GRIK1: variants seen among roughly 807,000 people sequenced by gnomAD.
GRIK1 encodes the protein glutamate ionotropic receptor kainate type subunit 1.
GRIK1 carries 69 observed loss-of-function variants against 105.7 expected under a neutral mutation model. That is an observed-to-expected ratio of 0.65 (90% confidence interval 0.54 to 0.80). The LOEUF (loss-of-function observed/expected upper bound fraction) is 0.80. GRIK1 is among the 30% of genes least tolerant of loss of function. The pLI, the probability that GRIK1 is intolerant of heterozygous loss-of-function variation, is 0.00. For synonymous variants in GRIK1, 438 were observed against 431.3 expected, an observed-to-expected ratio of 1.02 and a Z score of -0.19; for missense variants, 1,109 against 1,167.3, an observed-to-expected ratio of 0.95 and a Z score of 0.73.
chr21:29,846,473 G>A (rs2068126254), intron 1 of GRIK1, among the ~76,000 whole-genome samples: 1 of 75,282 alleles, frequency 1.3e-5, no homozygotes, highest in African/African-American at 3.2e-5. Context: ...GAGAAAGAAA[G>A]AAAGAAAGAA....
At chr21:29,785,490 G>C (rs986957380) in intron 1 of GRIK1, among the ~76,000 whole-genome samples, 2 of 150,966 alleles carry the variant, frequency 1.3e-5, no homozygotes, top group Non-Finnish European at 2.9e-5. Context: ...CTTGAACCTG[G>C]GAGGCAGAGG....
intron 1 of GRIK1, among the ~76,000 whole-genome samples, chr21:29,713,553 G>A (rs757732121): frequency 1.3e-5 from 2 of 151,926 alleles, no homozygotes; most frequent in African/African-American, 4.8e-5. Context: ...TTTTGAAATG[G>A]GTAACGGACC....
chr21:29,629,157 T>A (rs1430565218), intron 7 of GRIK1, among the ~76,000 whole-genome samples: 1 of 151,664 alleles, frequency 6.6e-6, no homozygotes, highest in Non-Finnish European at 1.5e-5. Context: ...GGTGAAGATA[T>A]ACACAGTGTA....
intron 1 of GRIK1, among the ~76,000 whole-genome samples, chr21:29,780,439 T>C (rs1459014977): frequency 6.6e-6 from 1 of 152,176 alleles, no homozygotes; most frequent in Non-Finnish European, 1.5e-5. Context: ...GCATATATAT[T>C]CTGAAAAGAA....
At chr21:29,889,990 G>T (rs993060689) in intron 1 of GRIK1, among the ~76,000 whole-genome samples, 1 of 152,082 alleles carries the variant, frequency 6.6e-6, no homozygotes, top group Admixed American at 6.5e-5. Flanking sequence ...CTGTGAAAAT[G>T]TCTAGATCTC....
chr21:29,612,518 C>A (rs1705866484), intron 7 of GRIK1, among the ~76,000 whole-genome samples: 2 of 152,330 alleles, frequency 1.3e-5, no homozygotes, highest in Middle Eastern at 6.8e-3. Context: ...CTTGAATATG[C>A]CCTACATTCT....
At chr21:29,828,021 G>A (rs965378878) in intron 1 of GRIK1, among the ~76,000 whole-genome samples, 2 of 151,148 alleles carry the variant, frequency 1.3e-5, no homozygotes, top group African/African-American at 4.9e-5. Context: ...CTGTGTGTGT[G>A]TGTGTGTGTG....
At chr21:29,783,254 G>C (rs2066172782) in intron 1 of GRIK1, among the ~76,000 whole-genome samples, 1 of 151,396 alleles carries the variant, frequency 6.6e-6, no homozygotes, top group Admixed American at 6.6e-5. Context: ...TTGTATTATT[G>C]TTATTTGTAA....
chr21:29,895,036 T>C (rs929400680), intron 1 of GRIK1, among the ~76,000 whole-genome samples: 1 of 152,184 alleles, frequency 6.6e-6, no homozygotes, highest in Non-Finnish European at 1.5e-5. Context: ...CCTTAATCCA[T>C]GAGAATTGAT....
intron 8 of GRIK1, among the ~76,000 whole-genome samples, chr21:29,597,323 C>G (rs1015509884): frequency 6.6e-6 from 1 of 152,176 alleles, no homozygotes. Flanking sequence ...TGGAAAAACA[C>G]CAATGCAATG....
chr21:29,622,617 G>A (rs912465631), intron 7 of GRIK1, among the ~76,000 whole-genome samples: 2 of 152,114 alleles, frequency 1.3e-5, no homozygotes, highest in Non-Finnish European at 2.9e-5. Context: ...AGTACTACTG[G>A]GGTATGCTAG....
At chr21:29,720,910 C>G (rs1450308595) in intron 1 of GRIK1, among the ~76,000 whole-genome samples, 1 of 152,152 alleles carries the variant, frequency 6.6e-6, no homozygotes, top group East Asian at 1.9e-4. Context: ...ATGCAATATT[C>G]TAGAATCCTC....
At chr21:29,886,638 G>A (rs905338640) in intron 1 of GRIK1, among the ~76,000 whole-genome samples, 3 of 152,050 alleles carry the variant, frequency 2.0e-5, no homozygotes, top group African/African-American at 7.2e-5. Context: ...AAGTTCAAAA[G>A]ACCCCAAACA....
At chr21:29,748,668 G>C (rs556374141) in intron 1 of GRIK1, among the ~76,000 whole-genome samples, 1 of 152,322 alleles carries the variant, frequency 6.6e-6, no homozygotes, top group African/African-American at 2.4e-5. Flanking sequence ...AATTGGATGA[G>C]ATTGTGTGTT....
At chr21:29,877,181 A>G (rs2069221537) in intron 1 of GRIK1, among the ~76,000 whole-genome samples, 1 of 152,166 alleles carries the variant, frequency 6.6e-6, no homozygotes, top group Non-Finnish European at 1.5e-5. Flanking sequence ...TAGGGCCTGC[A>G]GTAATAAAAT....
intron 7 of GRIK1, 63 bp downstream of exon 7, chr21:29,642,763 A>G: frequency 6.7e-7 from 1 of 1,494,692 alleles, no homozygotes; most frequent in Non-Finnish European, 9.3e-7. Context: ...GGAGGACCAT[A>G]CCAAATGGGC....
intron 16 of GRIK1, among the ~76,000 whole-genome samples, chr21:29,551,700 C>G: frequency 6.6e-6 from 1 of 152,168 alleles, no homozygotes; most frequent in East Asian, 1.9e-4. Flanking sequence ...GTAATAGTCT[C>G]TGCAGAAAGT....
intron 6 of GRIK1, among the ~76,000 whole-genome samples, chr21:29,650,192 T>C (rs995497992): frequency 6.6e-6 from 1 of 152,176 alleles, no homozygotes; most frequent in Non-Finnish European, 1.5e-5. Flanking sequence ...AATTCATTCA[T>C]TTAGTTCTTC....
intron 1 of GRIK1, among the ~76,000 whole-genome samples, chr21:29,890,158 A>G (rs796842737): frequency 5.3e-5 from 8 of 152,272 alleles, no homozygotes; most frequent in African/African-American, 1.9e-4. Context: ...AATTCACAAA[A>G]TATTCTGATT....
Sources: gnomAD v4.1 joint callset for allele counts (sites outside exome capture counted in the v4.1 genomes callset) on GRCh38, gnomAD v4.1.1 for gene constraint, MANE v1.5 for transcripts, NCBI Gene and HGNC (gene_info 2026-07-23, HGNC 2026-07-21) for gene names.